The following PIK3C2G variants were observed in gnomAD, a reference collection of about 807,000 sequenced individuals.
PIK3C2G encodes phosphatidylinositol 3-kinase C2 domain-containing subunit gamma.
PIK3C2G carries 168 observed loss-of-function variants against 181.1 expected under a neutral mutation model. The ratio of observed to expected loss-of-function variants is 0.93; its 90% confidence interval spans 0.82 to 1.05. The LOEUF (loss-of-function observed/expected upper bound fraction) is 1.05. Ranked by LOEUF, PIK3C2G falls within the 50% of genes least tolerant of loss-of-function variation. PIK3C2G has a pLI of 0.00. For synonymous variants in PIK3C2G, 573 were observed against 592.2 expected, an observed-to-expected ratio of 0.97 and a Z score of 0.47; for missense variants, 1,869 against 1,732.8, an observed-to-expected ratio of 1.08 and a Z score of -1.40.
intron 16 of PIK3C2G, among the ~76,000 whole-genome samples, chr12:18,408,546 C>CA (rs1422805603): frequency 6.6e-6 from 1 of 151,766 alleles, no homozygotes; most frequent in African/African-American, 2.4e-5. Context: ...TAACAAAAGC[C>CA]AAAACAGACA....
At chr12:18,692,208 A>T in the PIK3C2G span, among the ~76,000 whole-genome samples, 1 of 152,130 alleles carries the variant, frequency 6.6e-6, no homozygotes, top group East Asian at 1.9e-4. Context: ...AAACACTACA[A>T]AATTCCAGGT....
intron 5 of PIK3C2G, among the ~76,000 whole-genome samples, chr12:18,302,782 C>T (rs1950229711): frequency 6.6e-6 from 1 of 152,066 alleles, no homozygotes; most frequent in Non-Finnish European, 1.5e-5. Context: ...TCCTCAGGGT[C>T]CCCAGTGGTA....
chr12:18,652,217 G>A (rs1387523187), downstream of PIK3C2G, among the ~76,000 whole-genome samples: 4 of 152,094 alleles, frequency 2.6e-5, no homozygotes, highest in East Asian at 7.7e-4. Flanking sequence ...AGGTCATATG[G>A]AGTGAGGTGG....
At chr12:18,384,034 C>T (rs1943015274) in intron 14 of PIK3C2G, among the ~76,000 whole-genome samples, 1 of 148,694 alleles carries the variant, frequency 6.7e-6, no homozygotes, top group Admixed American at 6.7e-5. Flanking sequence ...GTTGCTCATG[C>T]TGGTCTTGAA....
chr12:18,536,043 G>T (rs1943836034), intron 24 of PIK3C2G, among the ~76,000 whole-genome samples: 1 of 151,924 alleles, frequency 6.6e-6, no homozygotes, highest in Non-Finnish European at 1.5e-5. Flanking sequence ...ACACCAACAT[G>T]GCACATGTAT....
chr12:18,555,709 C>A (rs1008253738), intron 26 of PIK3C2G, among the ~76,000 whole-genome samples: 3 of 152,066 alleles, frequency 2.0e-5, no homozygotes, highest in South Asian at 4.2e-4. Context: ...ATGTAAAAAT[C>A]AAAGGTTCAT....
At chr12:18,719,439 T>C in the PIK3C2G span, 1 of 1,485,162 alleles carries the variant, frequency 6.7e-7, no homozygotes. Context: ...ACCTTACATA[T>C]CCCCAAAGGT....
At chr12:18,493,689 G>A (rs1477648122) in intron 20 of PIK3C2G, 1 of 152,280 alleles carries the variant, frequency 6.6e-6, no homozygotes, top group African/African-American at 2.4e-5. Context: ...GGAGCCCTGT[G>A]AATGCAGTGA....
intron 30 of PIK3C2G, among the ~76,000 whole-genome samples, chr12:18,606,783 T>C (rs1233661917): frequency 1.3e-5 from 2 of 152,114 alleles, no homozygotes; most frequent in African/African-American, 4.8e-5. Flanking sequence ...AATTGATCTC[T>C]AAATTACCCC....
At chr12:18,443,219 T>A (rs1345287733) in intron 18 of PIK3C2G, among the ~76,000 whole-genome samples, 1 of 152,162 alleles carries the variant, frequency 6.6e-6, no homozygotes, top group Non-Finnish European at 1.5e-5. Context: ...CCTAAACTGA[T>A]CTTACAAATT....
In PIK3C2G at chr12:18,292,054, C is replaced by T. The variant is rs1028463758; in HGVS notation, c.919+1042C>T. 2.8e-4 allele frequency among the ~76,000 whole-genome samples: 42 copies of T among 149,968 alleles called. 1 individual carries two copies. Among genetic ancestry groups the T allele is most frequent in the Admixed American group, 2.7e-3 (40 of 15,040 alleles). ...AGAAACCCCATCTCTACTAAAAATACAAAAAATTAGCCAGGTGTGATGGCG... is the reference window on the plus strand; with the variant it reads ...AGAAACCCCATCTCTACTAAAAATATAAAAAATTAGCCAGGTGTGATGGCG... On this transcript the variant is annotated intron_variant, in intron 4 of 32. Coordinates refer to ENST00000538779, the MANE Select transcript of PIK3C2G (RefSeq NM_001288772.2).
At chr12:18,693,451 T>G in the PIK3C2G span, 2 of 1,605,812 alleles carry the variant, frequency 1.2e-6, no homozygotes, top group South Asian at 2.2e-5. Flanking sequence ...TCATTCTCTG[T>G]GGTCCACCTG....
intron 31 of PIK3C2G, among the ~76,000 whole-genome samples, chr12:18,620,548 A>AGATT (rs1035936412): frequency 1.3e-5 from 2 of 151,818 alleles, no homozygotes; most frequent in African/African-American, 4.8e-5. Context: ...ATAGATAGAT[A>AGATT]GATAGATAGA....
At chr12:18,280,385 C>T (rs1044974864) in intron 1 of PIK3C2G, among the ~76,000 whole-genome samples, 3 of 151,850 alleles carry the variant, frequency 2.0e-5, no homozygotes, top group East Asian at 1.9e-4. Context: ...TTACCTTTCC[C>T]GGGCATTCAG....
At chr12:18,711,130 A>C in the PIK3C2G span, among the ~76,000 whole-genome samples, 1 of 152,006 alleles carries the variant, frequency 6.6e-6, no homozygotes. Context: ...AATTGGAACC[A>C]ACCTAAATAT....
chr12:18,578,482 C>T lies in PIK3C2G; in HGVS notation c.4011+11425C>T, dbSNP rs116105398. ...GTTGCATAATGTAGTCAGATTTTAA[C>T]TATCTGCAAGTAAGTTAGTCCTCAT... On this transcript the variant is annotated intron_variant, in intron 29 of 32. Transcript: ENST00000538779. Among the ~76,000 whole-genome samples the T allele has an allele frequency of 7.6e-3, 1,164 of 152,242 alleles. 9 individuals are homozygous for T. Among genetic ancestry groups the T allele is most frequent in the African/African-American group, 0.012 (499 of 41,544 alleles).
At chr12:18,338,337 C>T in intron 8 of PIK3C2G, 89 bp from the exon 9 acceptor site, 1 of 1,015,648 alleles carries the variant, frequency 9.8e-7, no homozygotes, top group Non-Finnish European at 1.5e-6. Context: ...TCCACTTGCT[C>T]CTCATGGAAA....
chr12:18,693,986 C>G, the PIK3C2G span: 2 of 1,497,290 alleles, frequency 1.3e-6, no homozygotes, highest in Non-Finnish European at 1.9e-6. Flanking sequence ...AGAAGCTGGT[C>G]TGATGGCCTT....
intron 29 of PIK3C2G, among the ~76,000 whole-genome samples, chr12:18,573,125 CT>C (rs144856822): frequency 0.058 from 8,788 of 152,008 alleles, 848 homozygotes; most frequent in African/African-American, 0.2. Flanking sequence ...TAGTTATTTT[CT>C]TTTTTTATTG....
Sources: gnomAD v4.1 joint callset for allele counts (sites outside exome capture counted in the v4.1 genomes callset) on GRCh38, gnomAD v4.1.1 for gene constraint, MANE v1.5 for transcripts, NCBI Gene and HGNC (gene_info 2026-07-23, HGNC 2026-07-21) for gene names.